Variants in MFSD11 observed in about 807,000 individuals in gnomAD.
The protein encoded by MFSD11 is major facilitator superfamily domain containing 11, also known as UNC93-like protein MFSD11.
A neutral mutation model predicts 53.5 loss-of-function variants in MFSD11; 36 were observed. The ratio of observed to expected loss-of-function variants is 0.67; its 90% CI spans 0.52 to 0.89. The LOEUF (loss-of-function observed/expected upper bound fraction) is 0.89. MFSD11 is among the 40% of genes least tolerant of loss of function. The probability of loss-of-function intolerance (pLI) is 0.00; values close to 1 mark genes in which losing one functional copy is unlikely to be tolerated. For synonymous variants in MFSD11, 186 were observed against 184.9 expected, an observed-to-expected ratio of 1.01 and a Z score of -0.05; for missense variants, 530 against 543.9, an observed-to-expected ratio of 0.97 and a Z score of 0.25.
rs1193008599 is a variant in MFSD11, at chr17:76,740,973, G to C, written c.169G>C (p.Gly57Arg). The C allele has an allele frequency of 6.3e-7, 1 of 1,585,216 alleles. No homozygotes were observed. Among genetic ancestry groups the C allele is most frequent in the African/African-American group, 1.4e-5 (1 of 72,640 alleles). The change falls in exon 3 of 13, where the codon GGA becomes CGA. Residue 57 changes from glycine (G) to arginine (R), a missense_variant. Physicochemically the swap from Gly to Arg is moderately radical, Grantham distance 125 (BLOSUM62 -2). Coordinates refer to ENST00000685175, the MANE Select transcript of MFSD11 (RefSeq NM_001242532.5). ...SGYTSMAIIY[G>R]VFSASNLITP... is the part of the protein sequence containing the mutation. The stretch of plus-strand genomic sequence containing the variant: ...TGTGTGCAGCATGGCTATTATCTAT[G>C]GAGTGTTCTCTGCTTCAAATTTGAT...
chr17:76,772,634 C>A (rs1265601554), intron 10 of MFSD11, among the ~76,000 whole-genome samples: 1 of 151,240 alleles, frequency 6.6e-6, no homozygotes, highest in Admixed American at 6.6e-5. Context: ...TCTTCTGCCT[C>A]AGCCTCCCAA....
chr17:76,760,648 A>G (rs1302261333), intron 8 of MFSD11, among the ~76,000 whole-genome samples: 5 of 151,770 alleles, frequency 3.3e-5, no homozygotes, highest in Non-Finnish European at 7.4e-5. Flanking sequence ...CTCCTGCCTC[A>G]GGCTCCTGAG....
intron 10 of MFSD11, among the ~76,000 whole-genome samples, chr17:76,773,831 C>T (rs1164465779): frequency 7.2e-5 from 11 of 152,154 alleles, no homozygotes; most frequent in Admixed American, 6.6e-4. Context: ...TGGTCTTGAT[C>T]TCTTGACCTC....
chr17:76,799,857 A>G, the MFSD11 span, among the ~76,000 whole-genome samples: 1 of 151,550 alleles, frequency 6.6e-6, no homozygotes. Context: ...CAGATGCATC[A>G]TCTCATACCC....
chr17:76,783,862 C>T (rs1327977774), downstream of MFSD11, among the ~76,000 whole-genome samples: 1 of 152,070 alleles, frequency 6.6e-6, no homozygotes, highest in South Asian at 2.1e-4. Flanking sequence ...CCACTCCTGA[C>T]CCCCTTGGGA....
chr17:76,787,156 AC>A, the MFSD11 span, among the ~76,000 whole-genome samples: 1 of 130,326 alleles, frequency 7.7e-6, no homozygotes, highest in African/African-American at 2.9e-5. Flanking sequence ...TTTTTTTGAG[AC>A]AGAGTTTCGC....
intron 8 of MFSD11, among the ~76,000 whole-genome samples, chr17:76,764,045 A>C (rs2080552731): frequency 6.6e-6 from 1 of 151,860 alleles, no homozygotes; most frequent in South Asian, 2.1e-4. Flanking sequence ...TTGTATTTTT[A>C]ATAGAGATGG....
chr17:76,739,941 C>T (rs1443515271), intron 2 of MFSD11, among the ~76,000 whole-genome samples: 2 of 151,370 alleles, frequency 1.3e-5, no homozygotes, highest in Admixed American at 1.3e-4. Context: ...CGGAGGTGGG[C>T]GGATCACGAG....
intron 7 of MFSD11, among the ~76,000 whole-genome samples, chr17:76,750,730 T>G (rs1305814081): frequency 1.3e-5 from 2 of 150,746 alleles, no homozygotes; most frequent in Admixed American, 1.3e-4. Context: ...AAGATCTTCT[T>G]TACATTACTT....
chr17:76,759,127 C>T (rs1212310958), intron 8 of MFSD11, among the ~76,000 whole-genome samples: 3 of 151,956 alleles, frequency 2.0e-5, no homozygotes, highest in Non-Finnish European at 4.4e-5. Flanking sequence ...AATGGTGGCA[C>T]GTCCCAGCTA....
In MFSD11 at chr17:76,776,293, T is replaced by C. The variant is rs2081830618; in HGVS notation, c.1050-113T>C. ...CGCACCAGCTTTGTCTTTATTTTTGTTTCATAGTGTTTACAACTTGCAGGT... is the reference window on the plus strand; with the variant it reads ...CGCACCAGCTTTGTCTTTATTTTTGCTTCATAGTGTTTACAACTTGCAGGT... On this transcript the variant is annotated intron_variant, in intron 11 of 12. Coordinates refer to ENST00000685175, the MANE Select transcript of MFSD11 (RefSeq NM_001242532.5). This position sits in a 1 kb window ranked among gnomAD's most constrained non-coding sequence, Gnocchi z 4.2. The C allele has an allele frequency of 1.7e-6, 2 of 1,154,220 alleles. No individual in the cohort carries two copies. Among genetic ancestry groups the C allele is most frequent in the Non-Finnish European group, 2.4e-6 (2 of 823,432 alleles). The allele number at this position is 1,154,220 out of a possible 1,614,324, so 71.5% of individuals were successfully genotyped here. A position where few individuals can be genotyped will look rare whatever the true frequency, so the allele number is the denominator to read the frequency against.
At chr17:76,756,808 C>G (rs896717293) in intron 8 of MFSD11, among the ~76,000 whole-genome samples, 1 of 150,230 alleles carries the variant, frequency 6.7e-6, no homozygotes, top group African/African-American at 2.5e-5. Flanking sequence ...TGCAGTGAGC[C>G]GAGATTGCGC....
intron 8 of MFSD11, among the ~76,000 whole-genome samples, chr17:76,761,361 G>A (rs904723491): frequency 2.6e-5 from 4 of 152,072 alleles, no homozygotes; most frequent in African/African-American, 4.8e-5. Flanking sequence ...TAAATATTGT[G>A]GCAAGATCTA....
At chr17:76,769,709 T>C in intron 9 of MFSD11, 37 bp from the exon 10 acceptor site, 1 of 1,525,736 alleles carries the variant, frequency 6.6e-7, no homozygotes, top group Non-Finnish European at 8.9e-7. Flanking sequence ...AAAATGTGAA[T>C]ATATAAATGA....
At chr17:76,753,948 A>G (rs2080873229) in intron 7 of MFSD11, 99 bp from the exon 8 acceptor site, 3 of 994,418 alleles carry the variant, frequency 3.0e-6, no homozygotes, top group Non-Finnish European at 4.5e-6. Flanking sequence ...GACCTGGTAT[A>G]GGACAGGGTT....
intron 10 of MFSD11, among the ~76,000 whole-genome samples, chr17:76,772,100 GA>G (rs928725420): frequency 6.6e-6 from 1 of 151,774 alleles, no homozygotes; most frequent in African/African-American, 2.4e-5. Flanking sequence ...CTGCTTTTTT[GA>G]AAAAAATAAT....
At chr17:76,751,776 A>G (rs1252687451) in intron 7 of MFSD11, among the ~76,000 whole-genome samples, 1 of 152,090 alleles carries the variant, frequency 6.6e-6, no homozygotes, top group Admixed American at 6.6e-5. Context: ...TTATAATCTT[A>G]TTAACAATTA....
At chr17:76,753,961 T>G in intron 7 of MFSD11, 86 bp from the exon 8 acceptor site, 1 of 1,183,184 alleles carries the variant, frequency 8.5e-7, no homozygotes, top group Non-Finnish European at 1.2e-6. Context: ...ACAGGGTTTT[T>G]ACGAACGTAA....
chr17:76,754,233 C>T, intron 8 of MFSD11, 146 bp downstream of exon 8: 1 of 618,554 alleles, frequency 1.6e-6, no homozygotes, highest in Middle Eastern at 2.5e-4. Context: ...TATTGATCTT[C>T]CTTATCAACA....
Sources: gnomAD v4.1 joint callset for allele counts (sites outside exome capture counted in the v4.1 genomes callset) on GRCh38, gnomAD v4.1.1 for gene constraint, Gnocchi (gnomAD v3.1) non-coding constraint, MANE v1.5 for transcripts, NCBI Gene and HGNC (gene_info 2026-07-23, HGNC 2026-07-21) for gene names.